The following MACROD2 variants were observed in gnomAD, a reference collection of about 807,000 sequenced individuals.
MACROD2 encodes the protein ADP-ribose glycohydrolase MACROD2.
A neutral mutation model predicts 70.4 loss-of-function variants in MACROD2; 36 were observed. The observed-to-expected ratio is 0.51, with a 90% CI of 0.39 to 0.68. MACROD2 has a LOEUF of 0.68. MACROD2 is among the 30% of genes least tolerant of loss of function. The pLI is 0.00. For missense variants in MACROD2, 496 were observed against 538.4 expected (o/e 0.92, Z 0.78); for synonymous variants, 172 against 178.8 (o/e 0.96, Z 0.30).
At chr20:14,793,340 C>T (rs972496816) in intron 5 of MACROD2, among the ~76,000 whole-genome samples, 11 of 151,998 alleles carry the variant, frequency 7.2e-5, no homozygotes, top group African/African-American at 2.7e-4. Flanking sequence ...ACTGTGTCCT[C>T]AAAGGAGTGT....
At chr20:14,535,398 C>T (rs1002218927) in intron 4 of MACROD2, among the ~76,000 whole-genome samples, 2 of 148,192 alleles carry the variant, frequency 1.3e-5, no homozygotes, top group South Asian at 2.1e-4. Flanking sequence ...CCAGCTACTC[C>T]GAAGGCTGAG....
intron 1 of MACROD2, chr20:13,996,229 A>T (rs989996179): frequency 2.8e-5 from 6 of 217,070 alleles, no homozygotes; most frequent in African/African-American, 1.2e-4. Context: ...CTCAGGCTGC[A>T]GCTGCCGCTG....
At chr20:14,317,259 C>A (rs1455404232) in intron 3 of MACROD2, among the ~76,000 whole-genome samples, 2 of 152,086 alleles carry the variant, frequency 1.3e-5, no homozygotes, top group Non-Finnish European at 2.9e-5. Flanking sequence ...CTCATAGCAC[C>A]ATGTTTTTCT....
intron 8 of MACROD2, among the ~76,000 whole-genome samples, chr20:15,545,710 A>G (rs1011605708): frequency 2.6e-5 from 4 of 152,030 alleles, no homozygotes; most frequent in African/African-American, 9.7e-5. Context: ...TTGGAGATGC[A>G]TTTCCCATTT....
chr20:15,833,063 C>T (rs984665801), intron 8 of MACROD2, among the ~76,000 whole-genome samples: 14 of 152,134 alleles, frequency 9.2e-5, no homozygotes, highest in Non-Finnish European at 2.1e-4. Flanking sequence ...AAAAAAGTCT[C>T]CTTTTTGCAC....
intron 15 of MACROD2, among the ~76,000 whole-genome samples, chr20:16,020,996 G>A (rs577575982): frequency 2.7e-4 from 41 of 152,144 alleles, no homozygotes; most frequent in African/African-American, 9.2e-4. Context: ...TGGTGCTGGC[G>A]GGTCAACAAA....
At chr20:14,027,861 A>G (rs1037917806) in intron 2 of MACROD2, among the ~76,000 whole-genome samples, 1 of 152,138 alleles carries the variant, frequency 6.6e-6, no homozygotes, top group Non-Finnish European at 1.5e-5. Context: ...CCCGGCTGGG[A>G]GGTGTCACCT....
intron 5 of MACROD2, among the ~76,000 whole-genome samples, chr20:15,129,535 G>C (rs1435603144): frequency 6.6e-6 from 1 of 152,048 alleles, no homozygotes; most frequent in Non-Finnish European, 1.5e-5. Context: ...CTGAAGAATA[G>C]ACTACTTAAA....
At chr20:15,995,296 C>G (rs34718503) in intron 15 of MACROD2, among the ~76,000 whole-genome samples, 9,087 of 151,778 alleles carry the variant, frequency 0.06, 309 homozygotes, top group South Asian at 0.12. Context: ...TGGGCTCATC[C>G]CAAGCATAGA....
intron 4 of MACROD2, among the ~76,000 whole-genome samples, chr20:14,545,574 T>TTGA (rs1332863934): frequency 6.6e-5 from 10 of 152,228 alleles, no homozygotes; most frequent in African/African-American, 2.4e-4. Flanking sequence ...TTTTGTTTTG[T>TTGA]TGATAATTGA....
chr20:15,925,326 A>C (rs2065472737), intron 10 of MACROD2, among the ~76,000 whole-genome samples: 1 of 152,240 alleles, frequency 6.6e-6, no homozygotes. Flanking sequence ...GATTGTGTAC[A>C]GGATGCTTTG....
chr20:15,651,515 T>G (rs56338871), intron 8 of MACROD2, among the ~76,000 whole-genome samples: 31,005 of 152,078 alleles, frequency 0.2, 4,426 homozygotes, highest in African/African-American at 0.4. Context: ...TTCGGCTTTG[T>G]GGGTTTTATG....
chr20:14,411,866 T>A (rs1369035386), intron 3 of MACROD2, among the ~76,000 whole-genome samples: 1 of 152,154 alleles, frequency 6.6e-6, no homozygotes. Context: ...GATAGCTCTC[T>A]GTTCTCAACC....
At chr20:15,644,078 AG>A (rs2049503605) in intron 8 of MACROD2, among the ~76,000 whole-genome samples, 1 of 152,208 alleles carries the variant, frequency 6.6e-6, no homozygotes, top group Non-Finnish European at 1.5e-5. Context: ...AACATAACTC[AG>A]GGCAGGAATG....
At chr20:15,558,428 A>G (rs1457337671) in intron 8 of MACROD2, among the ~76,000 whole-genome samples, 1 of 152,226 alleles carries the variant, frequency 6.6e-6, no homozygotes. Flanking sequence ...ATTACTTTCA[A>G]TGGCAAAAAA....
chr20:14,312,634 C>T (rs1199139864), intron 3 of MACROD2, among the ~76,000 whole-genome samples: 2 of 152,170 alleles, frequency 1.3e-5, no homozygotes, highest in Admixed American at 6.5e-5. Flanking sequence ...TCAGAATCTA[C>T]ACAATTAACC....
At chr20:14,457,336 T>C (rs900417440) in intron 3 of MACROD2, among the ~76,000 whole-genome samples, 3 of 152,122 alleles carry the variant, frequency 2.0e-5, no homozygotes, top group Admixed American at 1.3e-4. Context: ...AGGTTACTTT[T>C]ATATGCAAGA....
At chr20:15,391,163 A>C (rs2045787292) in intron 6 of MACROD2, among the ~76,000 whole-genome samples, 1 of 152,188 alleles carries the variant, frequency 6.6e-6, no homozygotes, top group Non-Finnish European at 1.5e-5. Flanking sequence ...GAGCAGCTCA[A>C]AGACTCCTGC....
chr20:15,304,226 G>T (rs976768568), intron 6 of MACROD2, among the ~76,000 whole-genome samples: 1 of 152,148 alleles, frequency 6.6e-6, no homozygotes, highest in Non-Finnish European at 1.5e-5. Flanking sequence ...TCTGGTGAAA[G>T]AAAGGAGCGA....
Sources: gnomAD v4.1 joint callset for allele counts (sites outside exome capture counted in the v4.1 genomes callset) on GRCh38, gnomAD v4.1.1 for gene constraint, MANE v1.5 for transcripts, NCBI Gene and HGNC (gene_info 2026-07-23, HGNC 2026-07-21) for gene names.